Variants in MAPK4 observed in about 807,000 individuals in gnomAD.
The protein encoded by MAPK4 is Erk3-related.
Under a neutral mutation model 47.7 loss-of-function variants are expected in MAPK4, and 22 were observed. The observed-to-expected ratio is 0.46, with a 90% CI of 0.33 to 0.66. MAPK4 has a LOEUF of 0.66. MAPK4 is among the 30% of genes least tolerant of loss of function. MAPK4 has a pLI of 0.02. For synonymous variants in MAPK4, 390 were observed against 365.7 expected, an observed-to-expected ratio of 1.07 and a Z score of -0.76; for missense variants, 736 against 831.7, an observed-to-expected ratio of 0.88 and a Z score of 1.42.
intron 1 of MAPK4, among the ~76,000 whole-genome samples, chr18:50,655,942 C>CCAAATTTATTTATTTG (rs2043105458): frequency 6.6e-6 from 1 of 152,122 alleles, no homozygotes; most frequent in Non-Finnish European, 1.5e-5. Context: ...TTTATTGAAT[C>CCAAATTTATTTATTTG]CCTCTCTATA....
chr18:50,566,177 A>T (rs59538792), intron 1 of MAPK4, among the ~76,000 whole-genome samples: 35,299 of 152,142 alleles, frequency 0.23, 4,053 homozygotes, highest in South Asian at 0.32. Flanking sequence ...AACACTCTAC[A>T]TGAAGATTTG....
chr18:50,683,108 A>T (rs995350279), intron 2 of MAPK4, among the ~76,000 whole-genome samples: 5 of 151,596 alleles, frequency 3.3e-5, no homozygotes, highest in African/African-American at 1.2e-4. Context: ...TATTTTGAGG[A>T]TGATGAATAT....
At chr18:50,676,691 T>C (rs1214879579) in intron 2 of MAPK4, among the ~76,000 whole-genome samples, 2 of 152,190 alleles carry the variant, frequency 1.3e-5, no homozygotes, top group Admixed American at 1.3e-4. Context: ...TACAAAATTA[T>C]ATTGGAGGCT....
At chr18:50,597,325 A>T (rs896374814) in intron 1 of MAPK4, among the ~76,000 whole-genome samples, 1 of 152,188 alleles carries the variant, frequency 6.6e-6, no homozygotes, top group African/African-American at 2.4e-5. Flanking sequence ...GATATTACCA[A>T]CTGGAAACAC....
At chr18:50,689,505 T>A (rs1450248492) in intron 2 of MAPK4, among the ~76,000 whole-genome samples, 1 of 151,518 alleles carries the variant, frequency 6.6e-6, no homozygotes, top group Non-Finnish European at 1.5e-5. Context: ...GGGGAATAGA[T>A]GTTTTAGAGA....
intron 2 of MAPK4, among the ~76,000 whole-genome samples, chr18:50,670,717 A>G (rs569920961): frequency 6.7e-6 from 1 of 149,202 alleles, no homozygotes; most frequent in South Asian, 2.1e-4. Flanking sequence ...AGATCACACC[A>G]CTGCACTCCA....
intron 1 of MAPK4, among the ~76,000 whole-genome samples, chr18:50,581,697 G>A (rs1351580168): frequency 1.3e-5 from 2 of 152,188 alleles, no homozygotes; most frequent in Admixed American, 1.3e-4. Context: ...TTTCCCATGT[G>A]GGTGGCTTGG....
chr18:50,720,863 A>T (rs566781627), intron 3 of MAPK4, among the ~76,000 whole-genome samples: 73 of 152,350 alleles, frequency 4.8e-4, no homozygotes, highest in Middle Eastern at 3.4e-3. Flanking sequence ...TTCTTCGGTC[A>T]GTATTCACAT....
intron 1 of MAPK4, among the ~76,000 whole-genome samples, chr18:50,612,843 T>A (rs891999634): frequency 1.3e-4 from 20 of 152,196 alleles, no homozygotes; most frequent in Admixed American, 8.5e-4. Context: ...GTTCCCATCT[T>A]GAGTGATTTG....
chr18:50,576,031 G>C (rs1834390240), intron 1 of MAPK4, among the ~76,000 whole-genome samples: 1 of 152,174 alleles, frequency 6.6e-6, no homozygotes, highest in Non-Finnish European at 1.5e-5. Context: ...GAATGCTTAT[G>C]CACTGCTGGT....
At chr18:50,727,030 A>C (rs1164321585) in intron 5 of MAPK4, among the ~76,000 whole-genome samples, 3 of 152,204 alleles carry the variant, frequency 2.0e-5, no homozygotes, top group Non-Finnish European at 2.9e-5. Flanking sequence ...TTTCCTGCTA[A>C]ACTGGGCTTG....
intron 1 of MAPK4, among the ~76,000 whole-genome samples, chr18:50,629,261 C>G (rs1017114969): frequency 6.6e-6 from 1 of 152,174 alleles, no homozygotes; most frequent in Non-Finnish European, 1.5e-5. Context: ...TGTTAATTCC[C>G]CAAGCGGTAG....
chr18:50,575,846 T>A (rs1359461448), intron 1 of MAPK4, among the ~76,000 whole-genome samples: 4 of 116,824 alleles, frequency 3.4e-5, no homozygotes, highest in African/African-American at 1.3e-4. Flanking sequence ...GATGAACAGA[T>A]ACTTTTCAAA....
intron 1 of MAPK4, among the ~76,000 whole-genome samples, chr18:50,599,698 T>C (rs956158045): frequency 1.3e-5 from 2 of 152,170 alleles, no homozygotes; most frequent in African/African-American, 2.4e-5. Context: ...GGTTTACAAG[T>C]GTGAACCACT....
At chr18:50,581,182 C>T (rs2042340765) in intron 1 of MAPK4, among the ~76,000 whole-genome samples, 1 of 152,224 alleles carries the variant, frequency 6.6e-6, no homozygotes, top group Non-Finnish European at 1.5e-5. Context: ...GATTCAGAAG[C>T]TTAAAACGGC....
chr18:50,623,048 C>T (rs1382695250), intron 1 of MAPK4, among the ~76,000 whole-genome samples: 1 of 152,220 alleles, frequency 6.6e-6, no homozygotes. Context: ...CAGGAGACAG[C>T]TAAGGAAACA....
chr18:50,597,607 T>C (rs1043378741), intron 1 of MAPK4, among the ~76,000 whole-genome samples: 2 of 152,246 alleles, frequency 1.3e-5, no homozygotes, highest in African/African-American at 4.8e-5. Context: ...CTTTGGTGGC[T>C]ACCCTTGAGT....
In MAPK4 at chr18:50,676,654, A is replaced by G. The variant is rs183972113; in HGVS notation, c.546+12150A>G. On this transcript the variant is annotated intron_variant, in intron 2 of 5. Transcript: ENST00000400384. ...GTTAGGAAACATCACCACTTTAGAG[A>G]GAACCCAATGCATGAAAATCTAAAC... is the stretch of plus-strand genomic sequence containing the variant. Among the ~76,000 whole-genome samples, 359 of 152,360 alleles carry G rather than the reference A, an allele frequency of 2.4e-3. 1 individual carries two copies. The highest frequency in any genetic ancestry group is 3.4e-3 in the Non-Finnish European group (231 of 68,036).
chr18:50,631,776 A>G (rs2042832579), intron 1 of MAPK4, among the ~76,000 whole-genome samples: 1 of 152,202 alleles, frequency 6.6e-6, no homozygotes, highest in South Asian at 2.1e-4. Flanking sequence ...CTTCCTGGAG[A>G]GATGTGCTGA....
Sources: gnomAD v4.1 joint callset for allele counts (sites outside exome capture counted in the v4.1 genomes callset) on GRCh38, gnomAD v4.1.1 for gene constraint, MANE v1.5 for transcripts, NCBI Gene and HGNC (gene_info 2026-07-23, HGNC 2026-07-21) for gene names.